Variants in C10orf143 observed in about 807,000 individuals in gnomAD.
C10orf143 encodes uncharacterized protein C10orf143.
intron 1 of C10orf143, among the ~76,000 whole-genome samples, chr10:130,084,620 T>C (rs1304591670): frequency 6.7e-6 from 1 of 149,946 alleles, no homozygotes; most frequent in African/African-American, 2.5e-5. Context: ...TATAAAGATA[T>C]GTATGTGTGA....
rs1860908159 is a variant in C10orf143 at position 130,065,026 on chromosome 10, A to T, written c.298-643T>A. The T allele has an allele frequency of 6.6e-6, 1 of 152,338 alleles. No homozygotes were observed. The highest frequency in any genetic ancestry group is 2.4e-5 in the African/African-American group (1 of 41,486). The allele number at this position is 152,338 out of a possible 1,614,324, so 9.4% of individuals were successfully genotyped here. A position where few individuals can be genotyped will look rare whatever the true frequency, so the allele number is the denominator to read the frequency against. On this transcript the variant is annotated intron_variant, in intron 3 of 3. Transcript: ENST00000637128. This position sits in a 1 kb window ranked among gnomAD's most constrained non-coding sequence, Gnocchi z 4.2. ...GCGTGGCACTCTGGCCCACAGGCAG[A>T]GACAGGCACAGCCTCCCTGTCCTGA...
chr10:130,107,139 A>G, intron 1 of C10orf143: 2 of 1,601,696 alleles, frequency 1.2e-6, no homozygotes, highest in Non-Finnish European at 1.7e-6. Flanking sequence ...TTGCAGTCAG[A>G]AAACACACAT....
At chr10:130,090,896 A>G (rs1861370843) in intron 1 of C10orf143, among the ~76,000 whole-genome samples, 1 of 152,202 alleles carries the variant, frequency 6.6e-6, no homozygotes, top group Non-Finnish European at 1.5e-5. Context: ...GGGCATCTCT[A>G]AAAGAAAGGC....
chr10:130,048,071 C>T (rs529518152), intron 3 of C10orf143, among the ~76,000 whole-genome samples: 215 of 152,350 alleles, frequency 1.4e-3, no homozygotes, highest in Non-Finnish European at 2.5e-3. Context: ...TCATCCCAGT[C>T]ATGGGGCATC....
In C10orf143 at chr10:130,108,097, A is replaced by G. The variant is rs1861690453; in HGVS notation, c.69+2607T>C. On this transcript the variant is annotated intron_variant, in intron 1 of 3. Coordinates refer to ENST00000637128, the MANE Select transcript of C10orf143 (RefSeq NM_001355042.2). ...CATCTCTCCCTGCTGAAAATGCAGC[A>G]ACTGGCCCTCGCTTTGTTCCTCCAC... 3.3e-6 allele frequency: 5 copies of G among 1,520,954 alleles called. No homozygotes were observed. In the East Asian group the frequency reaches 1.1e-4, roughly 34 times the overall value. The allele number at this position is 1,520,954 out of a possible 1,614,324, so 94.2% of individuals were successfully genotyped here. A position where few individuals can be genotyped will look rare whatever the true frequency, so the allele number is the denominator to read the frequency against.
chr10:130,106,205 G>C, intron 1 of C10orf143: 1 of 1,098,486 alleles, frequency 9.1e-7, no homozygotes, highest in Non-Finnish European at 1.4e-6. Context: ...TGCATTTTTT[G>C]CTGTTCTCCT....
intron 3 of C10orf143, among the ~76,000 whole-genome samples, chr10:130,070,049 C>T (rs1258819882): frequency 1.3e-5 from 2 of 152,076 alleles, no homozygotes; most frequent in African/African-American, 2.4e-5. Flanking sequence ...GAATGGGATT[C>T]GCATCTGACT....
intron 3 of C10orf143, chr10:130,066,431 C>A (rs1163208292): frequency 6.6e-6 from 1 of 150,452 alleles, no homozygotes; most frequent in Non-Finnish European, 1.5e-5. Context: ...TGGCCTCAGG[C>A]GATCCACTCG....
At chr10:130,046,140 G>C (rs1052021221) in intron 3 of C10orf143, among the ~76,000 whole-genome samples, 1 of 151,714 alleles carries the variant, frequency 6.6e-6, no homozygotes, top group Non-Finnish European at 1.5e-5. Flanking sequence ...GCACAGGAAG[G>C]GGCAGGGCAC....
rs1861172631 is a variant in C10orf143, at chr10:130,079,595, G to T, written c.268C>A (p.Pro90Thr). 5.0e-6 allele frequency: 2 copies of T among 399,072 alleles called. No homozygotes were observed. The highest frequency in any genetic ancestry group is 8.8e-6 in the Non-Finnish European group (2 of 226,070). 24.7% of individuals were successfully genotyped at this position (399,072 alleles called of 1,614,324 possible). A position where few individuals can be genotyped will look rare whatever the true frequency, so the allele number is the denominator to read the frequency against. The change falls in exon 3 of 4, where the codon CCT (proline) becomes ACT (threonine). Residue 90 changes from proline (P) to threonine (T), a missense_variant. Physicochemically the swap from Pro to Thr is conservative, Grantham distance 38 (BLOSUM62 -1). Coordinates refer to ENST00000637128, the MANE Select transcript of C10orf143 (RefSeq NM_001355042.2). Reference protein sequence around the residue: ...SQNGGRSSAQPCPRCIAGESG... With the variant: ...SQNGGRSSAQTCPRCIAGESG... ...TCCCCTGCAATACATCTTGGGCAAG[G>T]CTGGGCTGAGCTCCTTCCACCATTC...
At chr10:130,099,509 T>TA (rs1181812031) in intron 1 of C10orf143, among the ~76,000 whole-genome samples, 12 of 109,788 alleles carry the variant, frequency 1.1e-4, no homozygotes, top group African/African-American at 4.1e-4. Context: ...TCTTCTTTTA[T>TA]TTTTATTTAT....
intron 3 of C10orf143, among the ~76,000 whole-genome samples, chr10:130,075,955 T>C (rs1861108629): frequency 6.6e-6 from 1 of 151,654 alleles, no homozygotes; most frequent in African/African-American, 2.4e-5. Context: ...AGGTAGTTTT[T>C]GTGTGTGTAT....
rs1860908631 is a variant in C10orf143 at position 130,065,057 on chromosome 10, C to T, written c.298-674G>A. On this transcript the variant is annotated intron_variant, in intron 3 of 3. Coordinates refer to ENST00000637128, the MANE Select transcript of C10orf143 (RefSeq NM_001355042.2). The surrounding 1 kb of genome is among the most constrained non-coding windows in gnomAD (Gnocchi z 4.2). Reference sequence around the variant, plus strand: ...GCACAGCCTCCCTGTCCTGAAAGGACTCCACCATCAGGGCAACAGGCTCCT... The same window carrying T: ...GCACAGCCTCCCTGTCCTGAAAGGATTCCACCATCAGGGCAACAGGCTCCT... The T allele has an allele frequency of 6.6e-6, 1 of 152,390 alleles. No homozygotes were observed. The highest frequency in any genetic ancestry group is 6.5e-5 in the Admixed American group (1 of 15,286). 9.4% of individuals were successfully genotyped at this position (152,390 alleles called of 1,614,324 possible).
intron 3 of C10orf143, among the ~76,000 whole-genome samples, chr10:130,054,434 C>T (rs982574846): frequency 6.6e-6 from 1 of 152,188 alleles, no homozygotes; most frequent in Non-Finnish European, 1.5e-5. Flanking sequence ...AGTGGGCATG[C>T]AGGTTGTTTT....
chr10:130,057,134 C>T (rs1860806229), intron 3 of C10orf143, among the ~76,000 whole-genome samples: 1 of 151,400 alleles, frequency 6.6e-6, no homozygotes, highest in African/African-American at 2.4e-5. Context: ...TCATATGATC[C>T]TCCCGCCTCA....
chr10:130,058,030 C>G (rs1255655628), intron 3 of C10orf143, among the ~76,000 whole-genome samples: 1 of 152,180 alleles, frequency 6.6e-6, no homozygotes, highest in African/African-American at 2.4e-5. Flanking sequence ...CACTCTAGAG[C>G]CAGGGAATTG....
chr10:130,107,754 A>G (rs1246173753), intron 1 of C10orf143: 1 of 1,236,402 alleles, frequency 8.1e-7, no homozygotes, highest in Non-Finnish European at 1.2e-6. Context: ...CAGATTACCA[A>G]GGAAAGAGGA....
chr10:130,039,437 G>C (rs1236256005), intron 3 of C10orf143, among the ~76,000 whole-genome samples: 1 of 152,052 alleles, frequency 6.6e-6, no homozygotes, highest in Non-Finnish European at 1.5e-5. Flanking sequence ...CCGAGGGCAG[G>C]AGAAGATGGG....
At chr10:130,071,130 G>A (rs963473846) in intron 3 of C10orf143, among the ~76,000 whole-genome samples, 1 of 152,092 alleles carries the variant, frequency 6.6e-6, no homozygotes, top group Non-Finnish European at 1.5e-5. Context: ...TATTGGCCAG[G>A]CTGGTCTCAA....
Sources: allele counts gnomAD v4.1 joint callset (sites outside exome capture counted in the v4.1 genomes callset), GRCh38; gene constraint gnomAD v4.1.1; non-coding constraint Gnocchi (gnomAD v3.1); transcripts MANE v1.5; gene names NCBI Gene and HGNC (gene_info 2026-07-23, HGNC 2026-07-21).